Variants in SORCS2 observed in about 807,000 individuals in gnomAD.
SORCS2 encodes sortilin related VPS10 domain containing receptor 2.
In SORCS2, 100 loss-of-function variants were observed where a neutral mutation model predicts 141.6. The ratio of observed to expected loss-of-function variants is 0.71; its 90% CI spans 0.60 to 0.83. The LOEUF (loss-of-function observed/expected upper bound fraction) is 0.83. Among genes scored for constraint, SORCS2 ranks in the 40% least tolerant of loss-of-function variants. The probability of loss-of-function intolerance (pLI) is 0.00; values close to 1 mark genes in which losing one functional copy is unlikely to be tolerated. For missense variants in SORCS2, 1,646 were observed against 1,560.2 expected (o/e 1.05, Z -0.93); for synonymous variants, 789 against 676.9 (o/e 1.17, Z -2.57).
Position 7,401,499 on chromosome 4 carries a change from A to G in SORCS2, c.548+5144A>G, listed in dbSNP as rs374568641. On this transcript the variant is annotated intron_variant, in intron 2 of 26. Coordinates refer to ENST00000507866, the MANE Select transcript of SORCS2 (RefSeq NM_020777.3). ...AGCCAGGAAATCAGAGTTGGCTCTG[A>G]TTCTGTCAGGAGGAGCAACAGGGTT... Among the ~76,000 whole-genome samples, 292 of 152,282 alleles carry G rather than the reference A, an allele frequency of 1.9e-3. 4 individuals carry two copies. In the South Asian group the frequency reaches 0.058, roughly 30 times the overall value.
intron 2 of SORCS2, among the ~76,000 whole-genome samples, chr4:7,503,663 G>A (rs1732108072): frequency 6.6e-6 from 1 of 151,772 alleles, no homozygotes; most frequent in Non-Finnish European, 1.5e-5. Context: ...TGGGGGTGCA[G>A]ATGGATGGAG....
chr4:7,455,705 G>T (rs1179516271), intron 2 of SORCS2, among the ~76,000 whole-genome samples: 1 of 150,306 alleles, frequency 6.7e-6, no homozygotes, highest in South Asian at 2.1e-4. Flanking sequence ...TTTGGGTCAG[G>T]AGCTTTGTTG....
chr4:7,704,184 G>A lies in SORCS2; in HGVS notation c.1768G>A (p.Val590Met). 6.2e-7 allele frequency: 1 copy of A among 1,611,918 alleles called. No homozygotes were observed. The highest frequency in any genetic ancestry group is 8.5e-7 in the Non-Finnish European group (1 of 1,179,246). ...SIPLKILKFSVDEGLTWSTHN... is the reference protein window; with the variant it reads ...SIPLKILKFSMDEGLTWSTHN... ...ACGATCTTCTCCTGGCAGGTTCAGT[G>A]TGGACGAGGGCCTCACCTGGAGCAC... The change falls in exon 14 of 27, where the codon GTG becomes ATG. Residue 590 changes from valine to methionine, a missense_variant. Transcript: ENST00000507866.
chr4:7,625,636 G>A (rs558054319), intron 3 of SORCS2, among the ~76,000 whole-genome samples: 8 of 151,834 alleles, frequency 5.3e-5, no homozygotes, highest in Non-Finnish European at 1.2e-4. Context: ...TGGACTCAAA[G>A]CACCCAGCAC....
chr4:7,490,353 G>T (rs572351366), intron 2 of SORCS2, among the ~76,000 whole-genome samples: 2 of 152,246 alleles, frequency 1.3e-5, no homozygotes, highest in African/African-American at 4.8e-5. Context: ...CCAGTGTAGG[G>T]GGTGAGGCTG....
intron 2 of SORCS2, among the ~76,000 whole-genome samples, chr4:7,467,684 C>T (rs723280): frequency 0.18 from 27,420 of 152,170 alleles, 2,516 homozygotes; most frequent in Admixed American, 0.21. Flanking sequence ...AGGCTCCAGT[C>T]CCAGCTCTGG....
At chr4:7,499,924 A>AGGGGAGGCAGGCGGCT (rs1731858344) in intron 2 of SORCS2, among the ~76,000 whole-genome samples, 1 of 152,066 alleles carries the variant, frequency 6.6e-6, no homozygotes, top group Non-Finnish European at 1.5e-5. Context: ...GTCAGGTCCC[A>AGGGGAGGCAGGCGGCT]GGGGAGGCAG....
intron 1 of SORCS2, among the ~76,000 whole-genome samples, chr4:7,348,050 G>A (rs1428716217): frequency 6.6e-6 from 1 of 152,184 alleles, no homozygotes; most frequent in Non-Finnish European, 1.5e-5. Flanking sequence ...TGATTTCTGA[G>A]GATGATCTTG....
chr4:7,255,914 C>A (rs62279424), intron 1 of SORCS2, among the ~76,000 whole-genome samples: 141 of 5,380 alleles, frequency 0.026, 5 homozygotes, highest in African/African-American at 0.08. Context: ...GAGCGTGGGG[C>A]CCCGGGGCTG....
At chr4:7,441,625 CTCCAGCCCAGATCACCATCT>C (rs1727671420) in intron 2 of SORCS2, among the ~76,000 whole-genome samples, 1 of 151,738 alleles carries the variant, frequency 6.6e-6, no homozygotes, top group Admixed American at 6.6e-5. Flanking sequence ...CCACCCCTTC[CTCCAGCCCAGATCACCATCT>C]ACCCCCTCCC....
Position 7,386,634 on chromosome 4 carries a change from T to C in SORCS2, c.481-9654T>C, listed in dbSNP as rs937608592. Among the ~76,000 whole-genome samples the C allele has an allele frequency of 6.0e-5, 9 of 148,814 alleles. No individual in the cohort carries two copies. In the East Asian group the frequency reaches 1.4e-3, roughly 23 times the overall value. On this transcript the variant is annotated intron_variant, in intron 1 of 26. Transcript: ENST00000507866. ...TATGCCCACCATACACATGAACACA[T>C]GCACACACAGATACACAGAAATACA...
At chr4:7,688,400 T>C (rs1724006081) in intron 10 of SORCS2, among the ~76,000 whole-genome samples, 1 of 152,122 alleles carries the variant, frequency 6.6e-6, no homozygotes, top group African/African-American at 2.4e-5. Flanking sequence ...AAGCTGGAGA[T>C]TTTTAACAGA....
chr4:7,347,505 C>T (rs1720709394), intron 1 of SORCS2, among the ~76,000 whole-genome samples: 1 of 152,232 alleles, frequency 6.6e-6, no homozygotes, highest in African/African-American at 2.4e-5. Flanking sequence ...CCCATAGCTC[C>T]TTGCAGACAA....
At chr4:7,460,165 C>T (rs57175617) in intron 2 of SORCS2, 8,349 of 154,970 alleles carry the variant, frequency 0.054, 738 homozygotes, top group African/African-American at 0.18. Context: ...AGAGTACCCC[C>T]GCTCCCCACC....
At chr4:7,317,771 C>T (rs966741092) in intron 1 of SORCS2, among the ~76,000 whole-genome samples, 5 of 152,198 alleles carry the variant, frequency 3.3e-5, no homozygotes, top group Non-Finnish European at 7.3e-5. Flanking sequence ...CCCAGAAGTA[C>T]CATCTGAAGG....
At chr4:7,429,348 C>T (rs1233536612) in intron 2 of SORCS2, among the ~76,000 whole-genome samples, 1 of 152,196 alleles carries the variant, frequency 6.6e-6, no homozygotes, top group Non-Finnish European at 1.5e-5. Flanking sequence ...AGGGCCTTGG[C>T]ATCAGCATTT....
intron 2 of SORCS2, among the ~76,000 whole-genome samples, chr4:7,451,121 C>T (rs765252415): frequency 6.6e-5 from 10 of 151,494 alleles, no homozygotes; most frequent in Non-Finnish European, 1.0e-4. Flanking sequence ...AGTGAATGAA[C>T]GAATGAGTGA....
intron 3 of SORCS2, among the ~76,000 whole-genome samples, chr4:7,606,187 T>C (rs183528773): frequency 1.6e-4 from 24 of 152,282 alleles, no homozygotes; most frequent in African/African-American, 5.8e-4. Context: ...AGATCTTACC[T>C]GACAACTCTT....
At chr4:7,591,328 G>A (rs889084134) in intron 3 of SORCS2, among the ~76,000 whole-genome samples, 4 of 152,144 alleles carry the variant, frequency 2.6e-5, no homozygotes, top group African/African-American at 7.2e-5. Flanking sequence ...CCTACAAGCT[G>A]TCCTGCCAGA....
Sources: gnomAD v4.1 joint callset for allele counts (sites outside exome capture counted in the v4.1 genomes callset) on GRCh38, gnomAD v4.1.1 for gene constraint, MANE v1.5 for transcripts, NCBI Gene and HGNC (gene_info 2026-07-23, HGNC 2026-07-21) for gene names.